Variants in GRIK2 observed in about 807,000 individuals in gnomAD.
The protein encoded by GRIK2 is glutamate receptor ionotropic, kainate 2.
In GRIK2, 32 loss-of-function variants were observed where a neutral mutation model predicts 100.3. The observed-to-expected ratio is 0.32, with a 90% CI of 0.24 to 0.43. The LOEUF (loss-of-function observed/expected upper bound fraction) is 0.43. Among genes scored for constraint, GRIK2 ranks in the 20% least tolerant of loss-of-function variants. The pLI is 1.00. For synonymous variants in GRIK2, 417 were observed against 389.4 expected (o/e 1.07, Z -0.83); for missense variants, 843 against 1,114.9 (o/e 0.76, Z 3.47).
At chr6:101,542,194 T>C (rs1325975013) in intron 2 of GRIK2, among the ~76,000 whole-genome samples, 1 of 151,930 alleles carries the variant, frequency 6.6e-6, no homozygotes, top group African/African-American at 2.4e-5. Flanking sequence ...AAAGTAGAAC[T>C]AATCATAGTT....
At chr6:101,966,272 C>T (rs986821172) in intron 14 of GRIK2, among the ~76,000 whole-genome samples, 1 of 151,986 alleles carries the variant, frequency 6.6e-6, no homozygotes, top group Non-Finnish European at 1.5e-5. Context: ...GCAAATATGT[C>T]AACAGATAAT....
chr6:101,623,503 C>T (rs1780275318), intron 3 of GRIK2, among the ~76,000 whole-genome samples: 1 of 151,978 alleles, frequency 6.6e-6, no homozygotes, highest in Non-Finnish European at 1.5e-5. Context: ...AGAAGTTCTG[C>T]CTCTAATGAA....
intron 4 of GRIK2, among the ~76,000 whole-genome samples, chr6:101,671,013 A>G (rs920559329): frequency 1.3e-5 from 2 of 152,220 alleles, no homozygotes; most frequent in Non-Finnish European, 2.9e-5. Flanking sequence ...CCCCAAATTT[A>G]CATTTGACGC....
chr6:101,685,827 A>T (rs927469004), intron 6 of GRIK2, among the ~76,000 whole-genome samples: 9 of 152,158 alleles, frequency 5.9e-5, no homozygotes, highest in East Asian at 1.9e-4. Flanking sequence ...AGGAAGCAGG[A>T]CACAGAAAAA....
chr6:101,477,265 C>G (rs1772288086), intron 2 of GRIK2, among the ~76,000 whole-genome samples: 1 of 152,012 alleles, frequency 6.6e-6, no homozygotes, highest in South Asian at 2.1e-4. Context: ...ATCACTCATA[C>G]CTGGGCTCTG....
At chr6:101,753,667 A>C (rs1168828411) in intron 7 of GRIK2, among the ~76,000 whole-genome samples, 1 of 151,914 alleles carries the variant, frequency 6.6e-6, no homozygotes, top group Admixed American at 6.6e-5. Context: ...AATATGACAA[A>C]AAAAGAAAAA....
intron 2 of GRIK2, among the ~76,000 whole-genome samples, chr6:101,438,338 C>T (rs772901656): frequency 9.9e-5 from 15 of 151,962 alleles, no homozygotes; most frequent in Non-Finnish European, 1.8e-4. Flanking sequence ...TTTAATTTTT[C>T]ATAGAATGAC....
At chr6:101,851,947 T>G (rs1340754391) in intron 10 of GRIK2, among the ~76,000 whole-genome samples, 1 of 110,122 alleles carries the variant, frequency 9.1e-6, no homozygotes, top group Non-Finnish European at 1.8e-5. Context: ...TACTGGCTGT[T>G]GACTATGGGC....
intron 12 of GRIK2, among the ~76,000 whole-genome samples, chr6:101,909,978 A>G (rs1788557586): frequency 7.8e-6 from 1 of 127,592 alleles, no homozygotes. Context: ...TTTTGAGAAC[A>G]GATAAACTGA....
At chr6:102,003,643 T>C (rs1795060681) in intron 14 of GRIK2, among the ~76,000 whole-genome samples, 1 of 151,798 alleles carries the variant, frequency 6.6e-6, no homozygotes, top group Non-Finnish European at 1.5e-5. Flanking sequence ...ACAAAGGCTG[T>C]TTTATTTTGT....
intron 4 of GRIK2, among the ~76,000 whole-genome samples, chr6:101,631,218 A>G (rs935130328): frequency 2.6e-5 from 4 of 152,150 alleles, no homozygotes; most frequent in Non-Finnish European, 5.9e-5. Flanking sequence ...GTCATTTTGG[A>G]ACATATGATT....
intron 14 of GRIK2, among the ~76,000 whole-genome samples, chr6:101,930,179 A>G (rs1410873676): frequency 6.6e-6 from 1 of 151,862 alleles, no homozygotes; most frequent in Non-Finnish European, 1.5e-5. Flanking sequence ...CTGTCTCTAC[A>G]AACAGCCCAA....
At position 101,745,997 on chromosome 6, in the gene GRIK2, G is replaced by A. The variant is rs181069253; in HGVS notation, c.952-53651G>A. Among the ~76,000 whole-genome samples, 463 of 152,086 alleles carry A rather than the reference G, an allele frequency of 3.0e-3. 8 individuals carry two copies. The highest frequency in any genetic ancestry group is 1.2e-3 in the Admixed American group (18 of 15,284). ...ATGTCAAGATAACAAATTATATTTCGCGGAGTCTCATCATTCCAACTTCAC... is the reference window on the plus strand; with the variant it reads ...ATGTCAAGATAACAAATTATATTTCACGGAGTCTCATCATTCCAACTTCAC... On this transcript the variant is annotated intron_variant, in intron 7 of 16. Coordinates refer to ENST00000369134, the MANE Select transcript of GRIK2 (RefSeq NM_021956.5).
chr6:101,471,997 A>G (rs1272996471), intron 2 of GRIK2, among the ~76,000 whole-genome samples: 3 of 150,722 alleles, frequency 2.0e-5, no homozygotes, highest in Non-Finnish European at 4.4e-5. Flanking sequence ...TTTTTGCCAT[A>G]CCACATTTGA....
At chr6:101,962,235 C>T (rs1261367333) in intron 14 of GRIK2, among the ~76,000 whole-genome samples, 1 of 152,032 alleles carries the variant, frequency 6.6e-6, no homozygotes, top group Non-Finnish European at 1.5e-5. Flanking sequence ...TAGACTGTGG[C>T]ACTCTTCCCT....
chr6:101,511,432 G>A (rs1002230464), intron 2 of GRIK2, among the ~76,000 whole-genome samples: 2 of 152,012 alleles, frequency 1.3e-5, no homozygotes, highest in Non-Finnish European at 2.9e-5. Flanking sequence ...TTAAGGTTTA[G>A]CACAGTAAAA....
intron 2 of GRIK2, among the ~76,000 whole-genome samples, chr6:101,482,126 C>T (rs1772563654): frequency 6.6e-6 from 1 of 152,148 alleles, no homozygotes; most frequent in Non-Finnish European, 1.5e-5. Context: ...TGAATGACAG[C>T]AGAAATACGT....
At chr6:101,610,716 T>C (rs4285325) in intron 2 of GRIK2, among the ~76,000 whole-genome samples, 17,639 of 151,814 alleles carry the variant, frequency 0.12, 1,384 homozygotes, top group Non-Finnish European at 0.17. Context: ...ATGATGGAGG[T>C]CTGGGGAGTG....
chr6:101,713,330 G>C (rs974393842), intron 7 of GRIK2, among the ~76,000 whole-genome samples: 2 of 151,500 alleles, frequency 1.3e-5, no homozygotes, highest in African/African-American at 4.9e-5. Context: ...TTAAGGACTT[G>C]TTAAACAGTA....
Sources: gnomAD v4.1 joint callset for allele counts (sites outside exome capture counted in the v4.1 genomes callset) on GRCh38, gnomAD v4.1.1 for gene constraint, MANE v1.5 for transcripts, NCBI Gene and HGNC (gene_info 2026-07-23, HGNC 2026-07-21) for gene names.